Variants in TMEM132D observed in about 807,000 individuals in gnomAD.
TMEM132D encodes transmembrane protein 132D, also known as mature OL transmembrane protein.
TMEM132D carries 21 observed loss-of-function variants against 62.3 expected under a neutral mutation model. The ratio of observed to expected loss-of-function variants is 0.34; its 90% CI spans 0.24 to 0.49. TMEM132D has a LOEUF of 0.49. Among genes scored for constraint, TMEM132D ranks in the 20% least tolerant of loss-of-function variants. TMEM132D has a pLI of 0.99. For synonymous variants in TMEM132D, 621 were observed against 575.6 expected (o/e 1.08, Z -1.13); for missense variants, 1,346 against 1,402.8 (o/e 0.96, Z 0.65).
intron 2 of TMEM132D, among the ~76,000 whole-genome samples, chr12:129,681,098 AAGCAC>A (rs1880766555): frequency 6.6e-6 from 1 of 152,192 alleles, no homozygotes; most frequent in Admixed American, 6.5e-5. Context: ...ACTCAGTGAA[AAGCAC>A]AGCACAGCAG....
rs1327292742 is a variant in TMEM132D, at chr12:129,082,142, A to G, written c.1650-110T>C. 8 of 1,338,112 alleles carry G rather than the reference A, an allele frequency of 6.0e-6. No individual in the cohort carries two copies. The African/African-American group carries it at 7.3e-5, about 12-fold the overall frequency. 82.9% of individuals were successfully genotyped at this position (1,338,112 alleles called of 1,614,324 possible). ...GAGGTAGGTAGGCCATGAGACTTCA[A>G]GGAGTTTATAGCCAGACATGCAGAG... On this transcript the variant is annotated intron_variant, in intron 6 of 8. Coordinates refer to ENST00000422113, the MANE Select transcript of TMEM132D (RefSeq NM_133448.3).
chr12:129,409,675 C>A (rs1351387467), intron 3 of TMEM132D, among the ~76,000 whole-genome samples: 2 of 152,172 alleles, frequency 1.3e-5, no homozygotes, highest in African/African-American at 4.8e-5. Context: ...AAAAGCATTT[C>A]TTTGCATATA....
Position 129,576,557 on chromosome 12 carries a change from T to C in TMEM132D, c.969-45352A>G, listed in dbSNP as rs563958685. On this transcript the variant is annotated intron_variant, in intron 2 of 8. Transcript: ENST00000422113. ...ATCTGTTTACATAAATATATACACA[T>C]ATATATGTGTAGGTGTAGCTACACA... Among the ~76,000 whole-genome samples the C allele has an allele frequency of 3.1e-4, 47 of 151,388 alleles. No homozygotes were observed. In the South Asian group the frequency reaches 9.4e-3, roughly 30 times the overall value.
At chr12:129,142,165 C>T (rs937385414) in intron 5 of TMEM132D, among the ~76,000 whole-genome samples, 3 of 151,912 alleles carry the variant, frequency 2.0e-5, no homozygotes, top group Admixed American at 1.3e-4. Flanking sequence ...GTGAGTATAC[C>T]GTATCTATAA....
At chr12:129,702,463 C>G (rs1881405464) in intron 1 of TMEM132D, among the ~76,000 whole-genome samples, 1 of 152,120 alleles carries the variant, frequency 6.6e-6, no homozygotes, top group South Asian at 2.1e-4. Flanking sequence ...ATAGTAAAAA[C>G]AAAGAAGAGA....
At chr12:129,184,668 C>T (rs1878169469) in intron 5 of TMEM132D, among the ~76,000 whole-genome samples, 1 of 152,218 alleles carries the variant, frequency 6.6e-6, no homozygotes, top group Admixed American at 6.5e-5. Context: ...ACAACTTGCG[C>T]TCTGGCGCCT....
intron 2 of TMEM132D, among the ~76,000 whole-genome samples, chr12:129,600,050 C>T (rs756534236): frequency 8.5e-5 from 13 of 152,198 alleles, no homozygotes; most frequent in African/African-American, 2.7e-4. Flanking sequence ...CTGTAGCATG[C>T]GATGCCATTT....
chr12:129,561,685 G>C (rs975607987), intron 2 of TMEM132D, among the ~76,000 whole-genome samples: 3 of 152,132 alleles, frequency 2.0e-5, no homozygotes, highest in African/African-American at 7.2e-5. Flanking sequence ...CATGAAAGAA[G>C]ATTAAAATTA....
intron 4 of TMEM132D, among the ~76,000 whole-genome samples, chr12:129,332,602 A>T (rs1363602648): frequency 6.6e-6 from 1 of 152,160 alleles, no homozygotes; most frequent in Non-Finnish European, 1.5e-5. Flanking sequence ...GCTGTGTGTG[A>T]ATATTTTAAT....
intron 3 of TMEM132D, chr12:129,521,634 G>T (rs531324644): frequency 6.6e-6 from 1 of 152,100 alleles, no homozygotes; most frequent in Non-Finnish European, 1.5e-5. Flanking sequence ...GAATATCAGC[G>T]GAATCATCAA....
intron 1 of TMEM132D, among the ~76,000 whole-genome samples, chr12:129,763,411 A>T (rs1593152306): frequency 6.9e-6 from 1 of 145,758 alleles, no homozygotes; most frequent in Non-Finnish European, 1.5e-5. Context: ...AGAAATTTCC[A>T]GTGAGGATCT....
intron 3 of TMEM132D, among the ~76,000 whole-genome samples, chr12:129,412,579 G>C (rs555123084): frequency 6.6e-6 from 1 of 152,136 alleles, no homozygotes; most frequent in Non-Finnish European, 1.5e-5. Context: ...ATGAGGGGCC[G>C]GGTGCGGTGG....
chr12:129,668,811 T>TA (rs1880437282), intron 2 of TMEM132D, among the ~76,000 whole-genome samples: 1 of 152,212 alleles, frequency 6.6e-6, no homozygotes, highest in Non-Finnish European at 1.5e-5. Flanking sequence ...GCGGTTATTT[T>TA]ACCAAGGCTT....
chr12:129,207,931 G>C (rs114550420), intron 5 of TMEM132D, among the ~76,000 whole-genome samples: 211 of 152,236 alleles, frequency 1.4e-3, no homozygotes, highest in African/African-American at 4.8e-3. Context: ...TTATTCTCTA[G>C]CTATTTTGAA....
intron 5 of TMEM132D, among the ~76,000 whole-genome samples, chr12:129,086,390 C>T (rs1874623375): frequency 6.6e-6 from 1 of 152,132 alleles, no homozygotes; most frequent in Admixed American, 6.5e-5. Flanking sequence ...CATCCCTCAA[C>T]CTCCCCCTAA....
intron 3 of TMEM132D, among the ~76,000 whole-genome samples, chr12:129,393,332 C>G (rs148111645): frequency 8.5e-5 from 13 of 152,182 alleles, no homozygotes; most frequent in Non-Finnish European, 1.8e-4. Context: ...CTTGCCCTAT[C>G]CAGGATGTTG....
chr12:129,382,697 T>G (rs1006450383), intron 3 of TMEM132D, among the ~76,000 whole-genome samples: 1 of 152,202 alleles, frequency 6.6e-6, no homozygotes, highest in African/African-American at 2.4e-5. Flanking sequence ...GCAAGGGATC[T>G]AGAAAGCTGG....
At chr12:129,177,494 ACAC>A (rs771070188) in intron 5 of TMEM132D, among the ~76,000 whole-genome samples, 4 of 152,204 alleles carry the variant, frequency 2.6e-5, no homozygotes, top group Non-Finnish European at 4.4e-5. Flanking sequence ...ATGATTGCTC[ACAC>A]CTATATTCTC....
At chr12:129,702,193 G>C (rs945697672) in intron 1 of TMEM132D, among the ~76,000 whole-genome samples, 16 of 152,302 alleles carry the variant, frequency 1.1e-4, no homozygotes, top group Non-Finnish European at 1.0e-4. Flanking sequence ...ACCAAACTCA[G>C]AGCAGGCTGA....
Sources: allele counts gnomAD v4.1 joint callset (sites outside exome capture counted in the v4.1 genomes callset), GRCh38; gene constraint gnomAD v4.1.1; transcripts MANE v1.5; gene names NCBI Gene and HGNC (gene_info 2026-07-23, HGNC 2026-07-21).